The following DCAF8L2 variants were observed in gnomAD, a reference collection of about 807,000 sequenced individuals.
DCAF8L2 encodes DDB1- and CUL4-associated factor 8-like protein 2.
For missense variants in DCAF8L2, 430 were observed against 490.7 expected (o/e 0.88, Z 1.17); for synonymous variants, 200 against 190.9 (o/e 1.05, Z -0.39).
intron 2 of DCAF8L2, among the ~76,000 whole-genome samples, chrX:27,638,259 C>T: frequency 9.0e-6 from 1 of 111,674 alleles, no homozygotes; most frequent in African/African-American, 3.3e-5. Flanking sequence ...GTAATGGACT[C>T]AGATCTCAAC....
chrX:27,701,030 T>A (rs1602750256), intron 3 of DCAF8L2, among the ~76,000 whole-genome samples: 1 of 111,425 alleles, frequency 9.0e-6, no homozygotes, highest in East Asian at 2.8e-4. Context: ...CCATAATTTA[T>A]ATTCTCAATT....
At chrX:27,617,472 G>A (rs1365248499) in intron 1 of DCAF8L2, among the ~76,000 whole-genome samples, 3 of 110,930 alleles carry the variant, frequency 2.7e-5, no homozygotes, top group Non-Finnish European at 5.7e-5. Context: ...AGTCTTAAAA[G>A]CTATGAAATG....
intron 2 of DCAF8L2, among the ~76,000 whole-genome samples, chrX:27,654,220 A>G (rs1929263060): frequency 1.8e-5 from 2 of 111,254 alleles, no homozygotes; most frequent in South Asian, 7.6e-4. Flanking sequence ...TATAATGAAT[A>G]GAGCTCCTCT....
intron 4 of DCAF8L2, among the ~76,000 whole-genome samples, chrX:27,720,759 A>C (rs1436620696): frequency 1.8e-5 from 2 of 112,003 alleles, no homozygotes; most frequent in Non-Finnish European, 3.8e-5. Context: ...TTTGAGAAGA[A>C]CTGACATTTC....
chrX:27,598,562 T>C (rs1380932802), intron 1 of DCAF8L2, among the ~76,000 whole-genome samples: 1 of 112,427 alleles, frequency 8.9e-6, no homozygotes, highest in South Asian at 3.6e-4. Context: ...TTGTAAGACA[T>C]ATGGTGTAAC....
chrX:27,746,782 C>T (rs1365318300), intron 4 of DCAF8L2, 56 bp from the exon 5 acceptor site: 5 of 671,297 alleles, frequency 7.4e-6, no homozygotes, highest in Non-Finnish European at 8.8e-6. Context: ...TTGATTGCCA[C>T]GCGCTTACTT....
At chrX:27,527,936 G>C in the DCAF8L2 span, among the ~76,000 whole-genome samples, 1 of 58,910 alleles carries the variant, frequency 1.7e-5, no homozygotes, top group Non-Finnish European at 4.4e-5. Context: ...ACAGGCATAA[G>C]CCACTGTGCC....
the DCAF8L2 span, among the ~76,000 whole-genome samples, chrX:27,579,202 A>G: frequency 1.8e-5 from 2 of 112,107 alleles, no homozygotes; most frequent in Admixed American, 1.9e-4. Flanking sequence ...TGTGATACAT[A>G]TACACCATGG....
the DCAF8L2 span, among the ~76,000 whole-genome samples, chrX:27,540,456 A>T: frequency 0.054 from 5,976 of 111,215 alleles, 179 homozygotes; most frequent in Non-Finnish European, 0.082. Context: ...ATATTAAGTG[A>T]AATAAGGCAT....
chrX:27,549,472 G>T, the DCAF8L2 span, among the ~76,000 whole-genome samples: 50 of 111,397 alleles, frequency 4.5e-4, no homozygotes, highest in African/African-American at 1.6e-3. Flanking sequence ...AAATGTGAGT[G>T]AACTCTTTTT....
the DCAF8L2 span, among the ~76,000 whole-genome samples, chrX:27,470,624 T>A: frequency 8.9e-6 from 1 of 112,158 alleles, no homozygotes; most frequent in Non-Finnish European, 1.9e-5. Flanking sequence ...GTGGGGTCTA[T>A]AGTGAGCAAA....
intron 1 of DCAF8L2, among the ~76,000 whole-genome samples, chrX:27,617,348 A>T (rs1454445361): frequency 9.0e-6 from 1 of 110,596 alleles, no homozygotes; most frequent in Non-Finnish European, 1.9e-5. Flanking sequence ...GAGCTGAGGG[A>T]AATGTATGTG....
At position 27,669,989 on chromosome X, in the gene DCAF8L2, A is replaced by G. The variant is rs755442484; in HGVS notation, c.-219-7847A>G. ...TTTATAATCCTTTGGGTATATACCC[A>G]GTAATGGGATGGCTGGGTCAAATGG... is the stretch of plus-strand genomic sequence containing the variant. On this transcript the variant is annotated intron_variant, in intron 2 of 4. Transcript: ENST00000451261. 6.3e-5 allele frequency among the ~76,000 whole-genome samples: 7 copies of G among 111,903 alleles called. No individual in the cohort carries two copies. The East Asian group carries it at 2.0e-3, about 32-fold the overall frequency.
At chrX:27,475,931 C>T in the DCAF8L2 span, among the ~76,000 whole-genome samples, 1 of 111,369 alleles carries the variant, frequency 9.0e-6, no homozygotes, top group African/African-American at 3.3e-5. Flanking sequence ...AGATGAATGC[C>T]TACCCTCTGT....
chrX:27,729,279 C>T (rs930903510), intron 4 of DCAF8L2, among the ~76,000 whole-genome samples: 4 of 111,259 alleles, frequency 3.6e-5, no homozygotes, highest in Non-Finnish European at 7.5e-5. Flanking sequence ...ACAATCCACT[C>T]ATTTTAATTG....
At chrX:27,663,313 GT>G (rs1929621378) in intron 2 of DCAF8L2, among the ~76,000 whole-genome samples, 1 of 111,906 alleles carries the variant, frequency 8.9e-6, no homozygotes, top group Admixed American at 9.5e-5. Flanking sequence ...GAGAGTTTTT[GT>G]TTTGTTTTAT....
the DCAF8L2 span, among the ~76,000 whole-genome samples, chrX:27,561,683 G>A: frequency 9.0e-6 from 1 of 111,137 alleles, no homozygotes; most frequent in Non-Finnish European, 1.9e-5. Context: ...GCATGGGGGG[G>A]TTGTGACTGG....
Position 27,748,968 on chromosome X carries a change from C to T in DCAF8L2, c.*177C>T, listed in dbSNP as rs185139233. The T allele has an allele frequency of 1.7e-6, 1 of 583,849 alleles. No homozygotes were observed. Among genetic ancestry groups the T allele is most frequent in the Non-Finnish European group, 2.5e-6 (1 of 398,459 alleles). The allele number at this position is 583,849 out of a possible 1,213,427, so 48.1% of individuals were successfully genotyped here. On this transcript the variant is annotated 3_prime_UTR_variant, in exon 5 of 5. Coordinates refer to ENST00000451261, the MANE Select transcript of DCAF8L2 (RefSeq NM_001353450.2). Reference sequence around the variant, plus strand: ...TCCTCTCTACTTTCCTTTCTTTCTTCCACACATTCTTTCTCTCATTCCTTT... The same window carrying T: ...TCCTCTCTACTTTCCTTTCTTTCTTTCACACATTCTTTCTCTCATTCCTTT...
chrX:27,656,193 A>T (rs1929344998), intron 2 of DCAF8L2, among the ~76,000 whole-genome samples: 1 of 111,970 alleles, frequency 8.9e-6, no homozygotes, highest in African/African-American at 3.2e-5. Flanking sequence ...TTATTATAGG[A>T]TTCTATTTTC....
Sources: allele counts gnomAD v4.1 joint callset (sites outside exome capture counted in the v4.1 genomes callset), GRCh38; gene constraint gnomAD v4.1.1; transcripts MANE v1.5; gene names NCBI Gene and HGNC (gene_info 2026-07-23, HGNC 2026-07-21).